Variants in UGT1A8 observed in about 807,000 individuals in gnomAD.
The protein encoded by UGT1A8 is UDP glucuronosyltransferase family 1 member A8, also known as UDP-glucuronosyltransferase 1A8.
A neutral mutation model predicts 45.3 loss-of-function variants in UGT1A8; 39 were observed. The ratio of observed to expected loss-of-function variants is 0.86; its 90% CI spans 0.67 to 1.12. The LOEUF is 1.12. UGT1A8 is among the 50% of genes most tolerant of loss of function. The pLI, the probability that UGT1A8 is intolerant of heterozygous loss-of-function variation, is 0.00. For missense variants in UGT1A8, 719 were observed against 664.9 expected (o/e 1.08, Z -0.90); for synonymous variants, 275 against 249.2 (o/e 1.10, Z -0.97).
intron 1 of UGT1A8, among the ~76,000 whole-genome samples, chr2:233,632,346 A>G (rs2073204316): frequency 6.6e-6 from 1 of 152,106 alleles, no homozygotes; most frequent in African/African-American, 2.4e-5. Context: ...ATGAACTTTA[A>G]AGTAGTTTTT....
chr2:233,757,314 T>A (rs1406248640), intron 1 of UGT1A8, among the ~76,000 whole-genome samples: 1 of 20,476 alleles, frequency 4.9e-5, no homozygotes, highest in Non-Finnish European at 9.0e-5. Flanking sequence ...ACAGGGGGGC[T>A]GGGGCCCTGA....
rs566706643 is a variant in UGT1A8 at position 233,663,272 on chromosome 2, G to T, written c.855+44710G>T. ...TTAATGCAGAACTAGCCGTGTGGTAGACCGGAGTTTTATTATTACTCAAAT... is the reference window on the plus strand; with the variant it reads ...TTAATGCAGAACTAGCCGTGTGGTATACCGGAGTTTTATTATTACTCAAAT... On this transcript the variant is annotated intron_variant, in intron 1 of 4. Coordinates refer to ENST00000373450, the MANE Select transcript of UGT1A8 (RefSeq NM_019076.5). 6.4e-4 allele frequency among the ~76,000 whole-genome samples: 98 copies of T among 152,350 alleles called. 1 individual carries two copies. Among genetic ancestry groups the T allele is most frequent in the African/African-American group, 2.1e-3 (87 of 41,592 alleles).
chr2:233,682,829 T>A, intron 1 of UGT1A8: 1 of 1,558,018 alleles, frequency 6.4e-7, no homozygotes, highest in Non-Finnish European at 8.7e-7. Flanking sequence ...AAGAATAATC[T>A]GGCTTTGGAA....
At chr2:233,762,211 C>A (rs1050554515) in intron 1 of UGT1A8, among the ~76,000 whole-genome samples, 4 of 152,108 alleles carry the variant, frequency 2.6e-5, no homozygotes, top group Non-Finnish European at 5.9e-5. Context: ...GTATTTGGCG[C>A]CCCATAAATC....
At chr2:233,704,843 A>G (rs1329627923) in intron 1 of UGT1A8, among the ~76,000 whole-genome samples, 2 of 152,096 alleles carry the variant, frequency 1.3e-5, no homozygotes, top group Non-Finnish European at 2.9e-5. Context: ...AAATCAGTTA[A>G]GAGAATAGGG....
chr2:233,738,197 T>A (rs1427013274), intron 1 of UGT1A8, among the ~76,000 whole-genome samples: 18 of 152,174 alleles, frequency 1.2e-4, no homozygotes, highest in Admixed American at 1.2e-3. Flanking sequence ...TGCCTCTCTC[T>A]CACTTTCTGC....
intron 1 of UGT1A8, chr2:233,637,483 ATTTC>A: frequency 2.7e-6 from 4 of 1,497,570 alleles, no homozygotes; most frequent in Middle Eastern, 1.8e-4. Context: ...TGCATTTCAA[ATTTC>A]TTTCCAGTTT....
intron 1 of UGT1A8, among the ~76,000 whole-genome samples, chr2:233,700,983 C>T (rs1317815779): frequency 6.6e-6 from 1 of 151,310 alleles, no homozygotes; most frequent in Non-Finnish European, 1.5e-5. Context: ...GATTTTTTGT[C>T]CTTGCGATAG....
chr2:233,733,746 G>A (rs1211480286), intron 1 of UGT1A8, among the ~76,000 whole-genome samples: 2 of 152,164 alleles, frequency 1.3e-5, no homozygotes, highest in Admixed American at 6.5e-5. Context: ...TGTTCATCAG[G>A]GATATTTGTC....
intron 1 of UGT1A8, among the ~76,000 whole-genome samples, chr2:233,621,474 C>T (rs1467669235): frequency 1.3e-5 from 2 of 152,164 alleles, no homozygotes; most frequent in East Asian, 3.9e-4. Flanking sequence ...TCCCCCATTC[C>T]TCTAAGTTTC....
chr2:233,745,864 C>G (rs1478966611), intron 1 of UGT1A8, among the ~76,000 whole-genome samples: 1 of 151,232 alleles, frequency 6.6e-6, no homozygotes, highest in Non-Finnish European at 1.5e-5. Flanking sequence ...AGCTGCTGAC[C>G]AAGGTTCCAG....
At chr2:233,670,992 G>A (rs936758450) in intron 1 of UGT1A8, among the ~76,000 whole-genome samples, 2 of 152,162 alleles carry the variant, frequency 1.3e-5, no homozygotes, top group Admixed American at 6.5e-5. Context: ...ATGGATGGGG[G>A]CAGTCCTATT....
intron 1 of UGT1A8, among the ~76,000 whole-genome samples, chr2:233,646,673 C>T (rs143371686): frequency 2.0e-5 from 3 of 152,330 alleles, no homozygotes; most frequent in African/African-American, 7.2e-5. Context: ...ACGAGTTCCT[C>T]ATCTCCATTT....
At chr2:233,736,815 C>T (rs924470141) in intron 1 of UGT1A8, among the ~76,000 whole-genome samples, 1 of 152,206 alleles carries the variant, frequency 6.6e-6, no homozygotes, top group African/African-American at 2.4e-5. Context: ...GAGGTCCACT[C>T]CAGATGCTCT....
At chr2:233,703,929 T>C (rs2125594300) in intron 1 of UGT1A8, among the ~76,000 whole-genome samples, 1 of 152,142 alleles carries the variant, frequency 6.6e-6, no homozygotes, top group East Asian at 1.9e-4. Context: ...CTCATTCTGT[T>C]ACCCAGACTG....
At position 233,618,486 on chromosome 2, in the gene UGT1A8, A is replaced by G. The variant is rs752455678; in HGVS notation, c.779A>G (p.Asp260Gly). 6.2e-7 allele frequency: 1 copy of G among 1,613,762 alleles called. No homozygotes were observed. The highest frequency in any genetic ancestry group is 1.7e-5 in the Admixed American group (1 of 59,986). The change falls in exon 1 of 5, where the codon GAC (aspartate) becomes GGC (glycine). Residue 260 changes from aspartate to glycine, a missense_variant. By Grantham distance (94) the Asp-to-Gly change is moderately conservative. Coordinates refer to ENST00000373450, the MANE Select transcript of UGT1A8 (RefSeq NM_019076.5). ...IWLLRTDFVL[D>G]YPKPVMPNMI... ...TTGTTGCGAACAGACTTTGTTTTGG[A>G]CTATCCCAAACCCGTGATGCCCAAT... is the stretch of plus-strand genomic sequence containing the variant.
At chr2:233,758,273 A>AG (rs1696835032) in intron 1 of UGT1A8, among the ~76,000 whole-genome samples, 1 of 152,232 alleles carries the variant, frequency 6.6e-6, no homozygotes, top group Non-Finnish European at 1.5e-5. Flanking sequence ...TTCTTGGTCA[A>AG]GGGCAGAGCT....
chr2:233,662,156 C>T (rs960634990), intron 1 of UGT1A8, among the ~76,000 whole-genome samples: 1 of 152,098 alleles, frequency 6.6e-6, no homozygotes, highest in Admixed American at 6.5e-5. Flanking sequence ...CAAATGGTGT[C>T]ATGTATAGTC....
rs1700539683 is a variant in UGT1A8 at position 233,772,631 on chromosome 2, T to C, written c.*72T>C. ...TTTCCAAACTTGAAAACAGAATCAG[T>C]GTTAAATTCATTTTATTCTTATTAA... On this transcript the variant is annotated 3_prime_UTR_variant, in exon 5 of 5. Coordinates refer to ENST00000373450, the MANE Select transcript of UGT1A8 (RefSeq NM_019076.5). 1.2e-5 allele frequency: 19 copies of C among 1,558,348 alleles called. No individual in the cohort carries two copies. The South Asian group carries it at 2.2e-4, about 18-fold the overall frequency.
Sources: allele counts gnomAD v4.1 joint callset (sites outside exome capture counted in the v4.1 genomes callset), GRCh38; gene constraint gnomAD v4.1.1; transcripts MANE v1.5; gene names NCBI Gene and HGNC (gene_info 2026-07-23, HGNC 2026-07-21).